GYS2: variants seen among roughly 807,000 people sequenced by gnomAD.
GYS2 encodes the protein glycogen synthase 2, also known as glycogen [starch] synthase, liver.
A neutral mutation model predicts 85.6 loss-of-function variants in GYS2; 80 were observed. The ratio of observed to expected loss-of-function variants is 0.93; its 90% CI spans 0.78 to 1.13. GYS2 has a LOEUF of 1.13. Ranked by LOEUF, GYS2 falls within the 50% of genes most tolerant of loss-of-function variation. The pLI, the probability that GYS2 is intolerant of heterozygous loss-of-function variation, is 0.00. For synonymous variants in GYS2, 328 were observed against 300.7 expected (o/e 1.09, Z -0.94); for missense variants, 881 against 854.9 (o/e 1.03, Z -0.38).
In GYS2 at chr12:21,537,033, C is replaced by A; in HGVS notation, c.2033G>T (p.Arg678Leu). The A allele has an allele frequency of 6.2e-7, 1 of 1,613,918 alleles. No homozygotes were observed. Among genetic ancestry groups the A allele is most frequent in the Non-Finnish European group, 8.5e-7 (1 of 1,179,912 alleles). Residue 678 changes from arginine (R) to leucine (L), a missense_variant, in exon 16 of 16, where the codon CGG becomes CTG. Coordinates refer to ENST00000261195, the MANE Select transcript of GYS2 (RefSeq NM_021957.4). ...TGAAAATGGTGACTTGATATTTAAC[C>A]GATCCCTTTCAGCCTCCTCTTCCTC... ...YDEEEEAERD[R>L]LNIKSPFSLS...
chr12:21,592,849 G>T (rs1345516067), intron 1 of GYS2, among the ~76,000 whole-genome samples: 1 of 151,966 alleles, frequency 6.6e-6, no homozygotes, highest in Non-Finnish European at 1.5e-5. Context: ...ATCAGCACAT[G>T]ACGCATTCCC....
Position 21,555,918 on chromosome 12 carries a change from A to G in GYS2, c.1422+2282T>C, listed in dbSNP as rs2136868081. Reference sequence around the variant, plus strand: ...AGTAACAATTCTATGGCCTAGGGCCATCTATGTGCATGTGGATATGTTTGA... The same window carrying G: ...AGTAACAATTCTATGGCCTAGGGCCGTCTATGTGCATGTGGATATGTTTGA... On this transcript the variant is annotated intron_variant, in intron 11 of 15. Transcript: ENST00000261195. Among the ~76,000 whole-genome samples the G allele has an allele frequency of 2.6e-5, 4 of 152,336 alleles. No homozygotes were observed. In the South Asian group the frequency reaches 8.3e-4, roughly 32 times the overall value.
chr12:21,544,536 T>C (rs189294535), intron 12 of GYS2, among the ~76,000 whole-genome samples: 28 of 152,288 alleles, frequency 1.8e-4, no homozygotes, highest in African/African-American at 6.3e-4. Flanking sequence ...CCATGATACT[T>C]CCAATAGTAA....
chr12:21,562,294 G>A (rs1476910868), intron 7 of GYS2, among the ~76,000 whole-genome samples: 2 of 152,236 alleles, frequency 1.3e-5, no homozygotes, highest in Non-Finnish European at 2.9e-5. Flanking sequence ...CTGGGGAGGT[G>A]AGTGAACCGA....
intron 4 of GYS2, 38 bp downstream of exon 4, chr12:21,574,104 AAG>A (rs1439046930): frequency 6.8e-7 from 1 of 1,471,944 alleles, no homozygotes; most frequent in Non-Finnish European, 9.5e-7. Context: ...AGCAATCTGA[AAG>A]AAGGGTGAGT....
intron 1 of GYS2, among the ~76,000 whole-genome samples, chr12:21,598,453 T>C (rs1418469298): frequency 6.6e-6 from 1 of 152,096 alleles, no homozygotes; most frequent in Admixed American, 6.6e-5. Flanking sequence ...TGCTATTTCT[T>C]ATATTCCAAC....
chr12:21,582,576 T>TATAGAG (rs879917400), intron 1 of GYS2, among the ~76,000 whole-genome samples: 1 of 146,272 alleles, frequency 6.8e-6, no homozygotes, highest in African/African-American at 2.5e-5. Context: ...TAGATATAGA[T>TATAGAG]ATAGAGATAG....
At chr12:21,589,308 T>C (rs563225876) in intron 1 of GYS2, among the ~76,000 whole-genome samples, 1 of 152,294 alleles carries the variant, frequency 6.6e-6, no homozygotes, top group Admixed American at 6.5e-5. Context: ...AAGAAAAACA[T>C]AGTTAACTAA....
intron 1 of GYS2, among the ~76,000 whole-genome samples, chr12:21,582,076 GA>G (rs35630202): frequency 6.6e-5 from 10 of 151,340 alleles, no homozygotes; most frequent in East Asian, 1.9e-4. Flanking sequence ...TACAGAATGA[GA>G]AAAAAAAATT....
rs1943907940 is a variant in GYS2 at position 21,536,130 on chromosome 12, T to C, written c.*824A>G. ...AGTTGTTATTCAATATTAATGTGTT[T>C]ATTTACTTGGATTTAACAACTTATC... On this transcript the variant is annotated 3_prime_UTR_variant, in exon 16 of 16. Coordinates refer to ENST00000261195, the MANE Select transcript of GYS2 (RefSeq NM_021957.4). 1 of 152,184 alleles carries C rather than the reference T, an allele frequency of 6.6e-6. No individual in the cohort carries two copies. Among genetic ancestry groups the C allele is most frequent in the Non-Finnish European group, 1.5e-5 (1 of 68,018 alleles). The allele number at this position is 152,184 out of a possible 1,614,324, so 9.4% of individuals were successfully genotyped here. A position where few individuals can be genotyped will look rare whatever the true frequency, so the allele number is the denominator to read the frequency against.
At chr12:21,568,825 T>C in intron 5 of GYS2, 40 bp downstream of exon 5, 10 of 1,576,988 alleles carry the variant, frequency 6.3e-6, no homozygotes, top group Non-Finnish European at 8.7e-6. Flanking sequence ...TGTAACATCA[T>C]TCGGAACTGA....
chr12:21,586,393 A>G (rs1414415442), intron 1 of GYS2, among the ~76,000 whole-genome samples: 1 of 151,544 alleles, frequency 6.6e-6, no homozygotes, highest in Non-Finnish European at 1.5e-5. Flanking sequence ...ACACTACTTA[A>G]TAAACTCCCT....
intron 4 of GYS2, among the ~76,000 whole-genome samples, chr12:21,572,755 T>G (rs999928613): frequency 3.3e-5 from 5 of 152,228 alleles, no homozygotes; most frequent in Admixed American, 6.5e-5. Flanking sequence ...CTATAATGCA[T>G]TTCTTCCTTA....
At position 21,542,592 on chromosome 12, in the gene GYS2, C is replaced by T; in HGVS notation, c.1550-1G>A. Reference sequence around the variant, plus strand: ...GGGATACCCATCACAGTGCATTCAGCTGCCAGGGGAAATAGACCAAAGCTT... The same window carrying T: ...GGGATACCCATCACAGTGCATTCAGTTGCCAGGGGAAATAGACCAAAGCTT... On this transcript the variant is annotated splice_acceptor_variant, in intron 12 of 15. Coordinates refer to ENST00000261195, the MANE Select transcript of GYS2 (RefSeq NM_021957.4). LOFTEE classifies it high-confidence loss of function. The T allele has an allele frequency of 1.9e-6, 3 of 1,608,276 alleles. No individual in the cohort carries two copies. Among genetic ancestry groups the T allele is most frequent in the Non-Finnish European group, 1.7e-6 (2 of 1,174,740 alleles).
Position 21,580,334 on chromosome 12 carries a change from T to A in GYS2, c.303+8A>T, listed in dbSNP as rs781134727. On this transcript the variant is annotated splice_region_variant and intron_variant, in intron 2 of 15. Coordinates refer to ENST00000261195, the MANE Select transcript of GYS2 (RefSeq NM_021957.4). ...GAGAATTGCCAAGTGAAGTGTCAGTTCCTTTACCTGGCAGCCATGCTTATT... is the reference window on the plus strand; with the variant it reads ...GAGAATTGCCAAGTGAAGTGTCAGTACCTTTACCTGGCAGCCATGCTTATT... The A allele has an allele frequency of 6.2e-7, 1 of 1,610,664 alleles. No individual in the cohort carries two copies. The highest frequency in any genetic ancestry group is 8.5e-7 in the Non-Finnish European group (1 of 1,177,196).
At chr12:21,594,755 T>G (rs1409885112) in intron 1 of GYS2, among the ~76,000 whole-genome samples, 2 of 152,080 alleles carry the variant, frequency 1.3e-5, no homozygotes, top group Non-Finnish European at 2.9e-5. Flanking sequence ...ATCTAAAATT[T>G]GTATGAAATT....
At chr12:21,578,241 C>T (rs1944468441) in intron 2 of GYS2, among the ~76,000 whole-genome samples, 1 of 152,152 alleles carries the variant, frequency 6.6e-6, no homozygotes, top group Admixed American at 6.5e-5. Flanking sequence ...CATCTTCTTT[C>T]TGGCTTTGCT....
At chr12:21,552,580 G>C (rs938251065) in intron 11 of GYS2, among the ~76,000 whole-genome samples, 2 of 152,174 alleles carry the variant, frequency 1.3e-5, no homozygotes, top group Non-Finnish European at 2.9e-5. Flanking sequence ...TCAGTGCTTT[G>C]AGTATGTAGC....
At position 21,565,844 on chromosome 12, in the gene GYS2, C is replaced by T. The variant is rs115276304; in HGVS notation, c.824-2499G>A. On this transcript the variant is annotated intron_variant, in intron 5 of 15. Coordinates refer to ENST00000261195, the MANE Select transcript of GYS2 (RefSeq NM_021957.4). Reference sequence around the variant, plus strand: ...TTACCCACCTTTCTGATGTTAACAACGCCAACACAAAAGAAAAACGTTGAC... The same window carrying T: ...TTACCCACCTTTCTGATGTTAACAATGCCAACACAAAAGAAAAACGTTGAC... 4.3e-4 allele frequency among the ~76,000 whole-genome samples: 66 copies of T among 151,770 alleles called. 1 individual carries two copies. The highest frequency in any genetic ancestry group is 1.2e-3 in the African/African-American group (50 of 41,396).
Sources: gnomAD v4.1 joint callset for allele counts (sites outside exome capture counted in the v4.1 genomes callset) on GRCh38, gnomAD v4.1.1 for gene constraint, MANE v1.5 for transcripts, NCBI Gene and HGNC (gene_info 2026-07-23, HGNC 2026-07-21) for gene names.